Variants in IWS1 observed in about 807,000 individuals in gnomAD.
IWS1 encodes the protein protein IWS1 homolog.
In IWS1, 27 loss-of-function variants were observed where a neutral mutation model predicts 86.7. The observed-to-expected ratio is 0.31, with a 90% CI of 0.23 to 0.43. The LOEUF is 0.43. IWS1 is among the 20% of genes least tolerant of loss of function. The pLI is 1.00. For synonymous variants in IWS1, 313 were observed against 335.1 expected (o/e 0.93, Z 0.72); for missense variants, 827 against 1,000.8 (o/e 0.83, Z 2.34).
chr2:127,522,733 G>A (rs961444422), intron 2 of IWS1, among the ~76,000 whole-genome samples: 5 of 152,108 alleles, frequency 3.3e-5, no homozygotes, highest in African/African-American at 1.2e-4. Flanking sequence ...TGTTTCAGTC[G>A]TATCTACCAA....
At position 127,481,107 on chromosome 2, in the gene IWS1, C is replaced by T; in HGVS notation, c.2397G>A (p.Arg799=). 2 of 1,611,776 alleles carry T rather than the reference C, an allele frequency of 1.2e-6. No homozygotes were observed. The highest frequency in any genetic ancestry group is 1.7e-6 in the Non-Finnish European group (2 of 1,179,356). ...CTGCGTGTGCAGATCTGCTTTTTTT[C>T]CTTATATCTGTGAACTTTCTCATCT... is the stretch of plus-strand genomic sequence containing the variant. ...DKQMRKFTDI[R]KKSRSAHAVK... is the part of the protein sequence containing the mutation. The change falls in exon 14 of 14, where the codon AGG becomes AGA. Residue 799 remains arginine (R), a synonymous_variant. Coordinates refer to ENST00000295321, the MANE Select transcript of IWS1 (RefSeq NM_017969.3).
chr2:127,522,401 T>C (rs1692148232), intron 2 of IWS1, among the ~76,000 whole-genome samples: 1 of 152,214 alleles, frequency 6.6e-6, no homozygotes, highest in African/African-American at 2.4e-5. Context: ...TTTGTTATCT[T>C]CTAGCAGACT....
intron 2 of IWS1, among the ~76,000 whole-genome samples, chr2:127,520,211 C>T (rs890423637): frequency 4.6e-5 from 7 of 152,140 alleles, no homozygotes; most frequent in Non-Finnish European, 8.8e-5. Context: ...GCTCTGTCGC[C>T]AGGCTGGAGT....
At chr2:127,524,254 TTTG>T (rs1471748408) in intron 1 of IWS1, among the ~76,000 whole-genome samples, 1 of 152,252 alleles carries the variant, frequency 6.6e-6, no homozygotes, top group East Asian at 1.9e-4. Context: ...ACAGTAAGTA[TTTG>T]TTTACAAATG....
At chr2:127,510,311 T>C (rs1036962295) in intron 2 of IWS1, among the ~76,000 whole-genome samples, 2 of 152,184 alleles carry the variant, frequency 1.3e-5, no homozygotes, top group Non-Finnish European at 2.9e-5. Context: ...TCCTGGAGTG[T>C]TGCAACACTC....
Position 127,526,200 on chromosome 2 carries a change from C to T in IWS1, c.9G>A (p.Ser3=). The change falls in exon 1 of 14, where the codon TCG becomes TCA. Residue 3 remains serine (S), a synonymous_variant. Coordinates refer to ENST00000295321, the MANE Select transcript of IWS1 (RefSeq NM_017969.3). ...CTGACTGGTCGCCGCTGTAATATTC[C>T]GAGTCCATGGCAGGCGGACTCTCAG... The part of the protein sequence containing the change: MD[S]EYYSGDQSDD... The T allele has an allele frequency of 1.3e-6, 2 of 1,594,788 alleles. No individual in the cohort carries two copies. The highest frequency in any genetic ancestry group is 2.3e-5 in the East Asian group (1 of 43,736).
At position 127,505,742 on chromosome 2, in the gene IWS1, C is replaced by A; in HGVS notation, c.161G>T (p.Ser54Ile). ...SVERHSENET[S>I]DREDGLPKGH... ...TTTGGGGAGGCCATCTTCTCGATCA[C>A]TAGTTTCATTCTGAAAAATAAAGTG... is the stretch of plus-strand genomic sequence containing the variant. The change falls in exon 3 of 14, where the codon AGT (serine) becomes ATT (isoleucine). Residue 54 changes from serine to isoleucine, a missense_variant. Coordinates refer to ENST00000295321, the MANE Select transcript of IWS1 (RefSeq NM_017969.3). This position sits in a 1 kb window ranked among gnomAD's most constrained non-coding sequence, Gnocchi z 5.0. The A allele has an allele frequency of 1.3e-6, 2 of 1,524,718 alleles. No homozygotes were observed. Among genetic ancestry groups the A allele is most frequent in the Non-Finnish European group, 1.8e-6 (2 of 1,137,112 alleles). 94.4% of individuals were successfully genotyped at this position (1,524,718 alleles called of 1,614,324 possible).
At chr2:127,518,540 G>C (rs1384411840) in intron 2 of IWS1, among the ~76,000 whole-genome samples, 1 of 148,712 alleles carries the variant, frequency 6.7e-6, no homozygotes, top group East Asian at 2.0e-4. Context: ...AAGAAAAGCT[G>C]CTTTTTAAAG....
rs1558757132 is a variant in IWS1 at position 127,504,889 on chromosome 2, C to T, written c.1014G>A (p.Lys338=). 1.2e-6 allele frequency: 2 copies of T among 1,614,184 alleles called. No individual in the cohort carries two copies. The highest frequency in any genetic ancestry group is 4.5e-5 in the East Asian group (2 of 44,886). The change falls in exon 3 of 14, where the codon AAG becomes AAA. Residue 338 remains lysine, a synonymous_variant. Coordinates refer to ENST00000295321, the MANE Select transcript of IWS1 (RefSeq NM_017969.3). ...CATTCTGCATTTCTGTATCCTCTCC[C>T]TTATTCTCCCTGTCGCTGTCATCAT... ...ESDDDSDREN[K]GEDTEMQNDS... is the part of the protein sequence containing the mutation.
rs139365794 is a variant in IWS1, at chr2:127,496,066, C to T, written c.1648G>A (p.Gly550Ser). 5.8e-5 allele frequency: 93 copies of T among 1,614,038 alleles called. No homozygotes were observed. In the African/African-American group the frequency reaches 1.1e-3, roughly 20 times the overall value. Residue 550 changes from glycine to serine, a missense_variant, in exon 7 of 14, where the codon GGC becomes AGC. This residue lies in a region of IWS1 where 279 missense variants were observed against 440.6 expected (regional missense o/e 0.63). Coordinates refer to ENST00000295321, the MANE Select transcript of IWS1 (RefSeq NM_017969.3). ...SGKRRRNRDG[G>S]TFISDADDVV... ...TCGTCTGCATCACTAATAAAGGTGCCACCATCGCGGTTCCGTCTGCGCTTG... is the reference window on the plus strand; with the variant it reads ...TCGTCTGCATCACTAATAAAGGTGCTACCATCGCGGTTCCGTCTGCGCTTG...
At position 127,504,989 on chromosome 2, in the gene IWS1, T is replaced by A; in HGVS notation, c.914A>T (p.Glu305Val). The change falls in exon 3 of 14, where the codon GAG becomes GTG. Residue 305 changes from glutamate to valine, a missense_variant. By Grantham distance (121) the Glu-to-Val change is moderately radical (BLOSUM62 -2). This residue lies in a region of IWS1 where 548 missense variants were observed against 560.2 expected (regional missense o/e 0.98). Coordinates refer to ENST00000295321, the MANE Select transcript of IWS1 (RefSeq NM_017969.3). ...ACTGGCAGGCCCCTTCTGAGGCCCC[T>A]CACTCTCAGAGTCACTGACTCGGGG... ...PKPRVSDSESEGPQKGPASDS... is the reference protein window; with the variant it reads ...PKPRVSDSESVGPQKGPASDS... The A allele has an allele frequency of 6.2e-7, 1 of 1,614,108 alleles. No individual in the cohort carries two copies. The highest frequency in any genetic ancestry group is 8.5e-7 in the Non-Finnish European group (1 of 1,180,010).
chr2:127,491,845 A>C, intron 10 of IWS1, 126 bp downstream of exon 10: 1 of 659,090 alleles, frequency 1.5e-6, no homozygotes, highest in Non-Finnish European at 2.7e-6. Context: ...AGTTATTCAA[A>C]AATTTCTATT....
chr2:127,508,968 C>T (rs779736194), intron 2 of IWS1, among the ~76,000 whole-genome samples: 52 of 152,160 alleles, frequency 3.4e-4, no homozygotes, highest in Non-Finnish European at 6.0e-4. Flanking sequence ...CAAACCCTTA[C>T]AAGGACACTG....
At chr2:127,508,807 A>C (rs957197485) in intron 2 of IWS1, among the ~76,000 whole-genome samples, 1 of 152,198 alleles carries the variant, frequency 6.6e-6, no homozygotes, top group Non-Finnish European at 1.5e-5. Flanking sequence ...CCAAGGCAAT[A>C]TTAGAAACTG....
chr2:127,496,211 C>T, intron 6 of IWS1, 63 bp from the exon 7 acceptor site: 1 of 1,527,054 alleles, frequency 6.5e-7, no homozygotes, highest in Non-Finnish European at 8.8e-7. Flanking sequence ...TTTACTTTCA[C>T]AACAATTAAG....
In IWS1 at chr2:127,503,548, A is replaced by G; in HGVS notation, c.1248T>C (p.Asp416=). The G allele has an allele frequency of 6.2e-7, 1 of 1,607,902 alleles. No homozygotes were observed. The highest frequency in any genetic ancestry group is 8.5e-7 in the Non-Finnish European group (1 of 1,177,148). ...ASAKKSRVVS[D]ADDSDSDAVS... is the part of the protein sequence containing the mutation. The stretch of plus-strand genomic sequence containing the variant: ...CAGCATCACTGTCAGAGTCATCTGC[A>G]TCAGAGACAACACGACTCTTCTTTG... The change falls in exon 4 of 14, where the codon GAT becomes GAC. Residue 416 remains aspartate, a synonymous_variant. Transcript: ENST00000295321.
chr2:127,524,687 T>C (rs6712411), intron 1 of IWS1, among the ~76,000 whole-genome samples: 132,490 of 151,372 alleles, frequency 0.88, 58,294 homozygotes, highest in East Asian at 1. Context: ...GGATTACAGG[T>C]GCCCGCCACC....
chr2:127,486,892 C>T (rs551735643), intron 12 of IWS1, among the ~76,000 whole-genome samples: 2 of 152,330 alleles, frequency 1.3e-5, no homozygotes, highest in South Asian at 2.1e-4. Context: ...AGCCAACTTG[C>T]TCTGCATTTG....
At chr2:127,486,399 C>G in intron 13 of IWS1, 154 bp downstream of exon 13, 2 of 576,646 alleles carry the variant, frequency 3.5e-6, no homozygotes. Context: ...TTCTCTATTG[C>G]TCAATTTGTG....
Sources: allele counts gnomAD v4.1 joint callset (sites outside exome capture counted in the v4.1 genomes callset), GRCh38; gene constraint gnomAD v4.1.1; regional missense constraint gnomAD v4.1.1; non-coding constraint Gnocchi (gnomAD v3.1); transcripts MANE v1.5; gene names NCBI Gene and HGNC (gene_info 2026-07-23, HGNC 2026-07-21).